TLL1: variants seen among roughly 807,000 people sequenced by gnomAD.
The protein encoded by TLL1 is tolloid-like protein 1.
In TLL1, 49 loss-of-function variants were observed where a neutral mutation model predicts 128.2. That is an observed-to-expected ratio of 0.38 (90% CI 0.30 to 0.48). The LOEUF (loss-of-function observed/expected upper bound fraction) is 0.48. Among genes scored for constraint, TLL1 ranks in the 20% least tolerant of loss-of-function variants. The pLI is 0.96. For synonymous variants in TLL1, 454 were observed against 418.8 expected (o/e 1.08, Z -1.03); for missense variants, 1,123 against 1,242.0 (o/e 0.90, Z 1.44).
intron 12 of TLL1, among the ~76,000 whole-genome samples, chr4:166,054,090 AT>A (rs1254233463): frequency 6.6e-6 from 1 of 152,060 alleles, no homozygotes; most frequent in East Asian, 1.9e-4. Context: ...ATTTGCATTC[AT>A]TTGTTAAGGA....
At chr4:165,902,310 C>CA (rs1340585433) in intron 1 of TLL1, among the ~76,000 whole-genome samples, 24 of 151,738 alleles carry the variant, frequency 1.6e-4, no homozygotes, top group Admixed American at 2.6e-4. Flanking sequence ...AACAAAAAAA[C>CA]AAAAAAACAA....
intron 12 of TLL1, chr4:166,044,416 A>T: frequency 6.5e-7 from 1 of 1,535,050 alleles, no homozygotes; most frequent in Non-Finnish European, 8.7e-7. Context: ...AGAATCTCTC[A>T]TCCTCATCTG....
At chr4:166,048,352 C>T (rs1325980881) in intron 12 of TLL1, among the ~76,000 whole-genome samples, 2 of 151,798 alleles carry the variant, frequency 1.3e-5, no homozygotes, top group Non-Finnish European at 2.9e-5. Context: ...GTGCCTTAAC[C>T]TTGAACTTCC....
intron 7 of TLL1, among the ~76,000 whole-genome samples, chr4:166,011,467 T>A (rs1337157681): frequency 6.6e-6 from 1 of 151,592 alleles, no homozygotes; most frequent in African/African-American, 2.4e-5. Context: ...ATTTTTGCAT[T>A]TTGATTTTAT....
At chr4:165,957,923 A>G (rs1734890577) in intron 1 of TLL1, among the ~76,000 whole-genome samples, 1 of 131,738 alleles carries the variant, frequency 7.6e-6, no homozygotes, top group Non-Finnish European at 1.5e-5. Flanking sequence ...ATGTGTTCTC[A>G]TTGTTCAATT....
chr4:165,960,629 T>G (rs1347744243), intron 1 of TLL1, among the ~76,000 whole-genome samples: 1 of 152,184 alleles, frequency 6.6e-6, no homozygotes, highest in African/African-American at 2.4e-5. Context: ...TCAAATAGGT[T>G]TTATTCCTGG....
At chr4:165,979,579 T>G (rs1030662859) in intron 1 of TLL1, among the ~76,000 whole-genome samples, 1 of 152,070 alleles carries the variant, frequency 6.6e-6, no homozygotes, top group Non-Finnish European at 1.5e-5. Flanking sequence ...TCATGGTAAT[T>G]AGAAGGGAAA....
chr4:166,029,512 G>A (rs544917401), intron 9 of TLL1, among the ~76,000 whole-genome samples: 1 of 151,946 alleles, frequency 6.6e-6, no homozygotes, highest in South Asian at 2.1e-4. Flanking sequence ...TATTATTGTG[G>A]TAAAAACTAC....
intron 12 of TLL1, 61 bp downstream of exon 12, chr4:166,043,480 G>A (rs370792414): frequency 1.2e-6 from 2 of 1,604,184 alleles, no homozygotes; most frequent in South Asian, 2.2e-5. Flanking sequence ...TGGCATTTAA[G>A]AGAATCCTCA....
chr4:165,955,281 G>T (rs1158645270), intron 1 of TLL1, among the ~76,000 whole-genome samples: 3 of 151,880 alleles, frequency 2.0e-5, no homozygotes, highest in Non-Finnish European at 1.5e-5. Flanking sequence ...AAATCTCCAA[G>T]AAATATAAGA....
At position 166,083,774 on chromosome 4, in the gene TLL1, A is replaced by G. The variant is rs555151423; in HGVS notation, c.2442+5744A>G. On this transcript the variant is annotated intron_variant, in intron 18 of 20. Transcript: ENST00000061240. ...ACTGTGTATATATACCACATTTTGT[A>G]ATCCGTTCATCCACTGATGGACACT... Among the ~76,000 whole-genome samples the G allele has an allele frequency of 2.0e-4, 30 of 152,166 alleles. 6 individuals carry two copies. The South Asian group carries it at 2.1e-3, about 11-fold the overall frequency.
At chr4:165,905,122 G>A (rs139931709) in intron 1 of TLL1, among the ~76,000 whole-genome samples, 1 of 152,258 alleles carries the variant, frequency 6.6e-6, no homozygotes, top group East Asian at 1.9e-4. Flanking sequence ...GGAGTGTAAA[G>A]CAATACAATT....
chr4:166,060,254 A>AC lies in TLL1; in HGVS notation c.2007+66_2007+67insC, dbSNP rs1156922048. ...GAACTCCCTGAAGGCAAACTGTGAA[A>AC]TTAAAAAAAAAAAAGATGTAGTAAA... On this transcript the variant is annotated intron_variant, in intron 15 of 20. Coordinates refer to ENST00000061240, the MANE Select transcript of TLL1 (RefSeq NM_012464.5). 6 of 1,436,438 alleles carry AC rather than the reference A, an allele frequency of 4.2e-6. No homozygotes were observed. The Admixed American group carries it at 5.4e-5, about 13-fold the overall frequency. The allele number at this position is 1,436,438 out of a possible 1,614,324, so 89.0% of individuals were successfully genotyped here. A position where few individuals can be genotyped will look rare whatever the true frequency, so the allele number is the denominator to read the frequency against.
intron 1 of TLL1, among the ~76,000 whole-genome samples, chr4:165,902,006 T>C (rs1427733609): frequency 6.6e-6 from 1 of 152,168 alleles, no homozygotes; most frequent in African/African-American, 2.4e-5. Context: ...TGGTGGGTTC[T>C]GCCGAGTTCG....
chr4:166,071,244 A>G (rs757738578), intron 16 of TLL1, among the ~76,000 whole-genome samples: 9 of 151,912 alleles, frequency 5.9e-5, no homozygotes, highest in Non-Finnish European at 1.2e-4. Flanking sequence ...AACTTGATAC[A>G]GGTTGCAACT....
intron 5 of TLL1, among the ~76,000 whole-genome samples, chr4:165,999,918 T>C (rs1474976557): frequency 6.6e-6 from 1 of 152,244 alleles, no homozygotes; most frequent in Non-Finnish European, 1.5e-5. Context: ...GATAATCTAA[T>C]AGATTAGCTT....
chr4:165,969,073 C>A (rs536900834), intron 1 of TLL1, among the ~76,000 whole-genome samples: 50 of 152,124 alleles, frequency 3.3e-4, no homozygotes, highest in Admixed American at 1.0e-3. Flanking sequence ...TTAAGTTTAT[C>A]CCTCTGAGTA....
intron 1 of TLL1, among the ~76,000 whole-genome samples, chr4:165,932,669 A>G (rs568658231): frequency 2.6e-5 from 4 of 151,920 alleles, no homozygotes; most frequent in African/African-American, 9.6e-5. Flanking sequence ...GTTTGTTTGT[A>G]ATCTGTTGTT....
rs1579749785 is a variant in TLL1, at chr4:166,103,688, T to C, written c.*2812T>C. 6.6e-6 allele frequency: 1 copy of C among 151,868 alleles called. No homozygotes were observed. The highest frequency in any genetic ancestry group is 2.4e-5 in the African/African-American group (1 of 41,432). The allele number at this position is 151,868 out of a possible 1,614,324, so 9.4% of individuals were successfully genotyped here. ...CATTTGCCTTAAGTGTGTTGTTAAA[T>C]GAAAGTACAGACAGCTTCATTGTTG... On this transcript the variant is annotated 3_prime_UTR_variant, in exon 21 of 21. Transcript: ENST00000061240.
Sources: gnomAD v4.1 joint callset for allele counts (sites outside exome capture counted in the v4.1 genomes callset) on GRCh38, gnomAD v4.1.1 for gene constraint, MANE v1.5 for transcripts, NCBI Gene and HGNC (gene_info 2026-07-23, HGNC 2026-07-21) for gene names.